Variants in NRIP1 observed in about 807,000 individuals in gnomAD.
The protein encoded by NRIP1 is nuclear receptor interacting protein 1.
A neutral mutation model predicts 75.0 loss-of-function variants in NRIP1; 28 were observed. The observed-to-expected ratio is 0.37, with a 90% confidence interval of 0.28 to 0.51. NRIP1 has a LOEUF of 0.51. NRIP1 is among the 20% of genes least tolerant of loss of function. The probability of loss-of-function intolerance (pLI) is 0.92; values close to 1 mark genes in which losing one functional copy is unlikely to be tolerated. For synonymous variants in NRIP1, 526 were observed against 487.6 expected (o/e 1.08, Z -1.04); for missense variants, 1,435 against 1,343.7 (o/e 1.07, Z -1.06).
rs759682911 is a variant in NRIP1, at chr21:14,966,821, C to T, written c.1372G>A (p.Val458Ile). 62 of 1,613,946 alleles carry T rather than the reference C, an allele frequency of 3.8e-5. No homozygotes were observed. The Middle Eastern group carries it at 4.9e-4, about 13-fold the overall frequency. ...RTEKSESDQPVSLDNFTQSLL... is the reference protein window; with the variant it reads ...RTEKSESDQPISLDNFTQSLL... ...GATTGAGTGAAGTTATCCAGGGAAA[C>T]AGGTTGGTCAGATTCTGATTTTTCA... The change falls in exon 4 of 4, where the codon GTT becomes ATT. Residue 458 changes from valine (V) to isoleucine (I), a missense_variant. By Grantham distance (29) the Val-to-Ile change is conservative. Transcript: ENST00000318948.
At chr21:15,026,313 G>A (rs934989330) in intron 2 of NRIP1, among the ~76,000 whole-genome samples, 2 of 152,178 alleles carry the variant, frequency 1.3e-5, no homozygotes, top group Non-Finnish European at 2.9e-5. Flanking sequence ...TTATCACACA[G>A]AAAAGTAAAT....
chr21:14,985,934 G>T (rs904111325), intron 3 of NRIP1, among the ~76,000 whole-genome samples: 22 of 152,152 alleles, frequency 1.4e-4, no homozygotes, highest in Non-Finnish European at 2.6e-4. Context: ...TCTAAAACCA[G>T]ACATTCATTC....
intron 3 of NRIP1, among the ~76,000 whole-genome samples, chr21:15,008,907 C>T (rs768981766): frequency 3.3e-5 from 5 of 152,144 alleles, no homozygotes; most frequent in Non-Finnish European, 7.4e-5. Context: ...ACATGGAATG[C>T]ATCCTTGTGT....
chr21:14,977,268 T>C (rs2087098785), intron 3 of NRIP1, among the ~76,000 whole-genome samples: 1 of 152,316 alleles, frequency 6.6e-6, no homozygotes, highest in East Asian at 1.9e-4. Flanking sequence ...TATTGACTCT[T>C]TTATTTAAAA....
intron 3 of NRIP1, among the ~76,000 whole-genome samples, chr21:14,983,212 C>CAA (rs59990071): frequency 1.1e-4 from 14 of 125,520 alleles, no homozygotes; most frequent in South Asian, 2.5e-4. Context: ...ATTGCAAATA[C>CAA]AAAAAAAAAA....
chr21:15,040,560 ATTACT>A (rs1384177329), intron 2 of NRIP1, among the ~76,000 whole-genome samples: 1 of 152,126 alleles, frequency 6.6e-6, no homozygotes, highest in Non-Finnish European at 1.5e-5. Context: ...AAAAGTATCT[ATTACT>A]TTAAATATTC....
chr21:15,009,204 GAA>G (rs2088044073), intron 3 of NRIP1, among the ~76,000 whole-genome samples: 1 of 152,128 alleles, frequency 6.6e-6, no homozygotes, highest in Admixed American at 6.5e-5. Context: ...GGAAAGAAAA[GAA>G]AGAACTTTCT....
intron 1 of NRIP1, among the ~76,000 whole-genome samples, chr21:15,062,758 G>A (rs1435463613): frequency 6.6e-6 from 1 of 152,162 alleles, no homozygotes; most frequent in Non-Finnish European, 1.5e-5. Context: ...CAGACTCTAG[G>A]TGGTGGTATA....
chr21:15,021,532 T>C (rs898198074), intron 2 of NRIP1, among the ~76,000 whole-genome samples: 1 of 152,124 alleles, frequency 6.6e-6, no homozygotes, highest in South Asian at 2.1e-4. Context: ...AACTGAACAC[T>C]TGCAGTGGAT....
intron 1 of NRIP1, among the ~76,000 whole-genome samples, 174 bp from the exon 2 acceptor site, chr21:15,043,748 T>C (rs2089008772): frequency 6.6e-6 from 1 of 152,224 alleles, no homozygotes; most frequent in South Asian, 2.1e-4. Flanking sequence ...TTGGACATAG[T>C]TGTTGACCAC....
Position 14,965,175 on chromosome 21 carries a change from T to TA in NRIP1, c.3017dup (p.Thr1008AsnfsTer9). ...GGAAAGTAGGACTCACAGGAGTTTTTACTACACCTGGGTATGAAAATGTCC... is the reference window on the plus strand; with the variant it reads ...GGAAAGTAGGACTCACAGGAGTTTTTAACTACACCTGGGTATGAAAATGTCC... On this transcript the variant is annotated frameshift_variant, in exon 4 of 4. Coordinates refer to ENST00000318948, the MANE Select transcript of NRIP1 (RefSeq NM_003489.4). LOFTEE classifies it high-confidence loss of function. 6.2e-7 allele frequency: 1 copy of TA among 1,613,442 alleles called. No individual in the cohort carries two copies. Among genetic ancestry groups the TA allele is most frequent in the Non-Finnish European group, 8.5e-7 (1 of 1,179,908 alleles).
chr21:15,002,952 T>C (rs926408698), intron 3 of NRIP1, among the ~76,000 whole-genome samples: 1 of 152,166 alleles, frequency 6.6e-6, no homozygotes, highest in Non-Finnish European at 1.5e-5. Flanking sequence ...ATTTGAAAAA[T>C]ATTTTCAGGT....
At chr21:15,039,304 CAGATCTGGGAACCA>C (rs1157301589) in intron 2 of NRIP1, among the ~76,000 whole-genome samples, 1 of 152,044 alleles carries the variant, frequency 6.6e-6, no homozygotes, top group Non-Finnish European at 1.5e-5. Context: ...CACTGTATCC[CAGATCTGGGAACCA>C]AAACAAGCAC....
intron 3 of NRIP1, among the ~76,000 whole-genome samples, chr21:14,989,186 G>A (rs748234573): frequency 2.0e-4 from 31 of 152,286 alleles, no homozygotes; most frequent in Admixed American, 1.4e-3. Context: ...GAAGAACTCT[G>A]CAAACGCTCT....
Position 14,965,967 on chromosome 21 carries a change from T to G in NRIP1, c.2226A>C (p.Ser742=). Residue 742 remains serine (S), a synonymous_variant, in exon 4 of 4, where the codon TCA becomes TCC. Transcript: ENST00000318948. ...GTATTTGTTCACTTAAAGCTCTCTC[T>G]GAGTGTTCCTGAGTACTTTCATCTC... ...PLRDESTQEH[S]ERALSEQILM... 1 of 1,613,950 alleles carries G rather than the reference T, an allele frequency of 6.2e-7. No homozygotes were observed. Among genetic ancestry groups the G allele is most frequent in the African/African-American group, 1.3e-5 (1 of 75,028 alleles).
intron 3 of NRIP1, among the ~76,000 whole-genome samples, chr21:14,974,031 C>G (rs2086979393): frequency 6.6e-6 from 1 of 151,936 alleles, no homozygotes; most frequent in Admixed American, 6.6e-5. Flanking sequence ...CCAAGAAAAA[C>G]AGTCATCATC....
intron 1 of NRIP1, chr21:15,050,403 T>C (rs1333379658): frequency 3.8e-6 from 1 of 263,532 alleles, no homozygotes; most frequent in Non-Finnish European, 7.5e-6. Flanking sequence ...GTTCACTGAT[T>C]ATGAGGACAA....
chr21:15,004,308 A>G (rs1432752592), intron 3 of NRIP1, among the ~76,000 whole-genome samples: 1 of 152,186 alleles, frequency 6.6e-6, no homozygotes, highest in Non-Finnish European at 1.5e-5. Flanking sequence ...TTCTGAGAAA[A>G]CTGCTTTGCT....
intron 2 of NRIP1, among the ~76,000 whole-genome samples, chr21:15,038,416 G>A (rs2088881144): frequency 6.6e-6 from 1 of 151,834 alleles, no homozygotes; most frequent in African/African-American, 2.4e-5. Flanking sequence ...TTTGAGCTCT[G>A]CCTGATCTAT....
Sources: allele counts gnomAD v4.1 joint callset (sites outside exome capture counted in the v4.1 genomes callset), GRCh38; gene constraint gnomAD v4.1.1; transcripts MANE v1.5; gene names NCBI Gene and HGNC (gene_info 2026-07-23, HGNC 2026-07-21).